RAD51B: variants seen among roughly 807,000 people sequenced by gnomAD.
The protein encoded by RAD51B is DNA repair protein RAD51 homolog 2.
RAD51B carries 38 observed loss-of-function variants against 42.2 expected under a neutral mutation model. The observed-to-expected ratio is 0.90, with a 90% CI of 0.70 to 1.18. The LOEUF (loss-of-function observed/expected upper bound fraction) is 1.18, where lower values mean the gene tolerates loss of function less well. Ranked by LOEUF, RAD51B falls within the 50% of genes most tolerant of loss-of-function variation. The pLI is 0.00. For synonymous variants in RAD51B, 154 were observed against 145.2 expected (o/e 1.06, Z -0.43); for missense variants, 373 against 400.7 (o/e 0.93, Z 0.59).
intron 8 of RAD51B, among the ~76,000 whole-genome samples, chr14:68,352,221 G>T (rs1270082381): frequency 5.3e-5 from 8 of 152,222 alleles, no homozygotes; most frequent in Admixed American, 5.2e-4. Context: ...ATGGTATTGG[G>T]TGAGGAAAGA....
At chr14:68,096,016 T>C (rs2077188539) in intron 7 of RAD51B, among the ~76,000 whole-genome samples, 1 of 150,248 alleles carries the variant, frequency 6.7e-6, no homozygotes, top group African/African-American at 2.4e-5. Context: ...TCAGAAAGGT[T>C]AAGTGATTTT....
chr14:68,074,157 A>T (rs1448186255), intron 7 of RAD51B, among the ~76,000 whole-genome samples: 3 of 152,190 alleles, frequency 2.0e-5, no homozygotes, highest in African/African-American at 7.2e-5. Context: ...TCTTTCAGGG[A>T]TGCCAATAAG....
At chr14:68,295,189 T>G (rs2081589906) in intron 8 of RAD51B, among the ~76,000 whole-genome samples, 1 of 152,166 alleles carries the variant, frequency 6.6e-6, no homozygotes, top group African/African-American at 2.4e-5. Flanking sequence ...CCTTGGCCCT[T>G]GGGGTGTACT....
At chr14:68,286,008 G>T (rs920931136) in intron 7 of RAD51B, among the ~76,000 whole-genome samples, 5 of 152,208 alleles carry the variant, frequency 3.3e-5, no homozygotes, top group African/African-American at 1.2e-4. Context: ...TCACAAGATT[G>T]ATCTTGTTAC....
At chr14:67,875,088 A>G (rs1489940307) in intron 5 of RAD51B, among the ~76,000 whole-genome samples, 1 of 152,116 alleles carries the variant, frequency 6.6e-6, no homozygotes, top group Non-Finnish European at 1.5e-5. Flanking sequence ...GGACTCTGGA[A>G]GGTGGGAACC....
intron 10 of RAD51B, among the ~76,000 whole-genome samples, chr14:68,570,873 C>CCACACACACACA (rs9323516): frequency 1.3e-4 from 19 of 150,350 alleles, no homozygotes; most frequent in South Asian, 1.3e-3. Flanking sequence ...GGCTGGAGCG[C>CCACACACACACA]CACACACACA....
chr14:68,314,898 G>A (rs924195579), intron 8 of RAD51B, among the ~76,000 whole-genome samples: 1 of 152,288 alleles, frequency 6.6e-6, no homozygotes, highest in Middle Eastern at 3.4e-3. Flanking sequence ...TCTGTGAAAC[G>A]GCAGCTAGTG....
intron 7 of RAD51B, among the ~76,000 whole-genome samples, chr14:68,004,039 A>G (rs2075534057): frequency 1.3e-5 from 2 of 152,244 alleles, no homozygotes; most frequent in South Asian, 4.1e-4. Flanking sequence ...TGCCAAATAA[A>G]CTATACTTAG....
At chr14:68,184,317 CCT>C (rs2079113008) in intron 7 of RAD51B, among the ~76,000 whole-genome samples, 1 of 152,044 alleles carries the variant, frequency 6.6e-6, no homozygotes, top group African/African-American at 2.4e-5. Flanking sequence ...CTCACTACAA[CCT>C]CTGCCTCCTG....
intron 7 of RAD51B, among the ~76,000 whole-genome samples, chr14:68,139,557 G>T (rs2078081779): frequency 1.3e-5 from 2 of 152,118 alleles, no homozygotes; most frequent in African/African-American, 4.8e-5. Flanking sequence ...GCCCTGAAAG[G>T]GATAAATTAC....
At chr14:68,271,733 G>A (rs563157949) in intron 7 of RAD51B, among the ~76,000 whole-genome samples, 29 of 152,306 alleles carry the variant, frequency 1.9e-4, no homozygotes, top group Middle Eastern at 3.4e-3. Flanking sequence ...TAATCTCTGC[G>A]TAGTGCTTAG....
intron 10 of RAD51B, among the ~76,000 whole-genome samples, chr14:68,589,253 G>T (rs17105901): frequency 0.055 from 8,417 of 152,186 alleles, 760 homozygotes; most frequent in African/African-American, 0.19. Context: ...AGCCTTGAAC[G>T]ACTAGCCTCT....
chr14:68,661,537 A>C (rs1013659985), intron 11 of RAD51B, among the ~76,000 whole-genome samples: 1 of 152,222 alleles, frequency 6.6e-6, no homozygotes, highest in African/African-American at 2.4e-5. Flanking sequence ...CTGCATCTCC[A>C]TAGATTCCCA....
chr14:68,275,794 CCACACACACA>C (rs10641411), intron 7 of RAD51B, among the ~76,000 whole-genome samples: 37,000 of 141,248 alleles, frequency 0.26, 4,942 homozygotes, highest in Middle Eastern at 0.41. Flanking sequence ...AACTAGCTCT[CCACACACACA>C]CACACACACA....
intron 7 of RAD51B, among the ~76,000 whole-genome samples, chr14:67,893,357 C>T (rs185716972): frequency 2.0e-4 from 30 of 151,806 alleles, no homozygotes; most frequent in Admixed American, 1.5e-3. Context: ...CTGGATCACA[C>T]CTGAAATCCC....
chr14:67,895,852 C>G (rs926606631), intron 7 of RAD51B, among the ~76,000 whole-genome samples: 1 of 151,920 alleles, frequency 6.6e-6, no homozygotes, highest in African/African-American at 2.4e-5. Flanking sequence ...ATGTCCTCTT[C>G]TTTCATCTCT....
At chr14:68,673,916 C>A (rs1369927679) in intron 11 of RAD51B, among the ~76,000 whole-genome samples, 1 of 150,752 alleles carries the variant, frequency 6.6e-6, no homozygotes, top group Admixed American at 6.6e-5. Context: ...TGTACACACA[C>A]ATATGTATAT....
At chr14:68,456,079 A>G (rs933658422) in intron 9 of RAD51B, among the ~76,000 whole-genome samples, 8 of 152,248 alleles carry the variant, frequency 5.3e-5, no homozygotes, top group African/African-American at 1.9e-4. Flanking sequence ...TGCATAGTGG[A>G]AGAAACAACA....
intron 7 of RAD51B, among the ~76,000 whole-genome samples, chr14:68,173,083 T>C (rs1473701088): frequency 6.6e-6 from 1 of 152,230 alleles, no homozygotes; most frequent in Non-Finnish European, 1.5e-5. Flanking sequence ...TTTTAAATTT[T>C]ACAGGTGAAG....
Sources: allele counts gnomAD v4.1 joint callset (sites outside exome capture counted in the v4.1 genomes callset), GRCh38; gene constraint gnomAD v4.1.1; transcripts MANE v1.5; gene names NCBI Gene and HGNC (gene_info 2026-07-23, HGNC 2026-07-21).